Variants in GTF3C6 observed in about 807,000 individuals in gnomAD.
GTF3C6 encodes general transcription factor IIIC subunit 6.
In GTF3C6, 11 loss-of-function variants were observed where a neutral mutation model predicts 19.2. The ratio of observed to expected loss-of-function variants is 0.57; its 90% confidence interval spans 0.36 to 0.95. The LOEUF is 0.95. GTF3C6 is among the 40% of genes least tolerant of loss of function. The pLI is 0.01. For synonymous variants in GTF3C6, 87 were observed against 84.2 expected (o/e 1.03, Z -0.18); for missense variants, 222 against 254.7 (o/e 0.87, Z 0.87).
At chr6:110,963,341 G>A (rs1771188591) in intron 5 of GTF3C6, among the ~76,000 whole-genome samples, 1 of 152,178 alleles carries the variant, frequency 6.6e-6, no homozygotes, top group East Asian at 1.9e-4. Flanking sequence ...TATCTGCTTG[G>A]CACTGGAAAT....
intron 5 of GTF3C6, among the ~76,000 whole-genome samples, chr6:110,963,859 G>A (rs536673331): frequency 6.6e-6 from 1 of 152,034 alleles, no homozygotes; most frequent in East Asian, 1.9e-4. Context: ...GCACCACTAG[G>A]CCTGGATGAT....
rs573317363 is a variant in GTF3C6, at chr6:110,958,803, G to T, written c.34G>T (p.Asp12Tyr). ...GGCGGCGGACGAGCGGAGTCCAGAG[G>T]ACGGAGAAGACGAGGAAGAGGAGGT... ...AAAADERSPE[D>Y]GEDEEEEEQL... The change falls in exon 1 of 6, where the codon GAC (aspartate) becomes TAC (tyrosine). Residue 12 changes from aspartate to tyrosine, a missense_variant. Transcript: ENST00000329970. The T allele has an allele frequency of 6.4e-7, 1 of 1,551,212 alleles. No homozygotes were observed. Among genetic ancestry groups the T allele is most frequent in the African/African-American group, 1.4e-5 (1 of 73,234 alleles).
chr6:110,965,488 T>A (rs1771218764), intron 5 of GTF3C6, among the ~76,000 whole-genome samples: 1 of 152,216 alleles, frequency 6.6e-6, no homozygotes, highest in Non-Finnish European at 1.5e-5. Flanking sequence ...GGTACATTGA[T>A]CTTATAAAAT....
At chr6:110,964,515 C>T (rs1461743194) in intron 5 of GTF3C6, among the ~76,000 whole-genome samples, 2 of 152,188 alleles carry the variant, frequency 1.3e-5, no homozygotes, top group Non-Finnish European at 2.9e-5. Flanking sequence ...GCTGGGATTA[C>T]AGGCATGAGA....
intron 5 of GTF3C6, among the ~76,000 whole-genome samples, chr6:110,963,851 A>G: frequency 6.6e-6 from 1 of 151,120 alleles, no homozygotes; most frequent in East Asian, 2.0e-4. Context: ...ACAGGCATGC[A>G]CCACTAGGCC....
chr6:110,959,304 C>G, intron 2 of GTF3C6, 52 bp downstream of exon 2: 1 of 1,108,984 alleles, frequency 9.0e-7, no homozygotes, highest in South Asian at 1.3e-5. Flanking sequence ...AAATGTAAAA[C>G]AAGAATCAAT....
chr6:110,967,454 A>G (rs1771243413), intron 5 of GTF3C6, 56 bp from the exon 6 acceptor site: 1 of 1,465,794 alleles, frequency 6.8e-7, no homozygotes, highest in African/African-American at 1.4e-5. Flanking sequence ...AGAAAAATAT[A>G]CTAAAATTCA....
chr6:110,962,186 G>C (rs1298983945), intron 4 of GTF3C6, among the ~76,000 whole-genome samples: 1 of 152,138 alleles, frequency 6.6e-6, no homozygotes, highest in Non-Finnish European at 1.5e-5. Flanking sequence ...TTACAGGTGT[G>C]AGCCACCGTG....
At chr6:110,962,822 G>A (rs965987249) in intron 5 of GTF3C6, among the ~76,000 whole-genome samples, 8 of 150,714 alleles carry the variant, frequency 5.3e-5, no homozygotes, top group African/African-American at 1.7e-4. Context: ...ACTGTCGCCC[G>A]GGCCGGAGTG....
chr6:110,958,713 A>C lies in GTF3C6; in HGVS notation c.-57A>C. 2 of 1,536,222 alleles carry C rather than the reference A, an allele frequency of 1.3e-6. No homozygotes were observed. Among genetic ancestry groups the C allele is most frequent in the East Asian group, 4.9e-5 (2 of 40,832 alleles). On this transcript the variant is annotated 5_prime_UTR_variant, in exon 1 of 6. Coordinates refer to ENST00000329970, the MANE Select transcript of GTF3C6 (RefSeq NM_138408.4). ...GCCTCGGAGCTGAAGCCCGTACTCA[A>C]GATGGCGGCTCCGGGCGGGCGTGGC...
chr6:110,962,587 C>A, intron 5 of GTF3C6, 82 bp downstream of exon 5: 2 of 760,604 alleles, frequency 2.6e-6, no homozygotes, highest in South Asian at 3.2e-5. Flanking sequence ...AGTCCTTGTA[C>A]TTTTTAGTAA....
At position 110,966,773 on chromosome 6, in the gene GTF3C6, T is replaced by C. The variant is rs191867232; in HGVS notation, c.362-737T>C. Reference sequence around the variant, plus strand: ...GCTAAATAACAGAATAAAGGAAAGCTTCAAGATTTTGAGTCTGGCTGACTA... The same window carrying C: ...GCTAAATAACAGAATAAAGGAAAGCCTCAAGATTTTGAGTCTGGCTGACTA... On this transcript the variant is annotated intron_variant, in intron 5 of 5. Coordinates refer to ENST00000329970, the MANE Select transcript of GTF3C6 (RefSeq NM_138408.4). Among the ~76,000 whole-genome samples the C allele has an allele frequency of 8.5e-5, 13 of 152,278 alleles. No individual in the cohort carries two copies. The East Asian group carries it at 2.5e-3, about 29-fold the overall frequency.
In GTF3C6 at chr6:110,959,258, T is replaced by A. The variant is rs772100206; in HGVS notation, c.138+6T>A. 1.3e-6 allele frequency: 2 copies of A among 1,557,004 alleles called. No homozygotes were observed. Among genetic ancestry groups the A allele is most frequent in the South Asian group, 2.2e-5 (2 of 89,864 alleles). On this transcript the variant is annotated splice_donor_region_variant and intron_variant, in intron 2 of 5. Transcript: ENST00000329970. The stretch of plus-strand genomic sequence containing the variant: ...AAAATAAATGCAAGGTTTTGGTGAG[T>A]TTTCTAGACTTGGGGGGATTGTTCT...
Position 110,959,914 on chromosome 6 carries a change from G to A in GTF3C6, c.139-500G>A, listed in dbSNP as rs559642951. Among the ~76,000 whole-genome samples the A allele has an allele frequency of 2.6e-5, 4 of 152,042 alleles. No individual in the cohort carries two copies. In the East Asian group the frequency reaches 7.7e-4, roughly 29 times the overall value. On this transcript the variant is annotated intron_variant, in intron 2 of 5. Coordinates refer to ENST00000329970, the MANE Select transcript of GTF3C6 (RefSeq NM_138408.4). ...AGAGGTTGCAGTGAGCCGAGATCGC[G>A]CCACTGTACTCCAGCCTGGGCAACA...
At position 110,964,037 on chromosome 6, in the gene GTF3C6, C is replaced by A. The variant is rs181720782; in HGVS notation, c.361+1532C>A. ...TTTAAATGTGGGGGAGACTGTAGGA[C>A]CACAGTTGTTAGTCCTCAGTCTAGT... On this transcript the variant is annotated intron_variant, in intron 5 of 5. Transcript: ENST00000329970. 3.7e-3 allele frequency among the ~76,000 whole-genome samples: 563 copies of A among 152,034 alleles called. 2 individuals carry two copies. The highest frequency in any genetic ancestry group is 8.1e-3 in the South Asian group (39 of 4,814).
rs530692614 is a variant in GTF3C6 at position 110,959,443 on chromosome 6, G to T, written c.138+191G>T. On this transcript the variant is annotated intron_variant, in intron 2 of 5. Transcript: ENST00000329970. Reference sequence around the variant, plus strand: ...TAAGTATAATGTAGAAGTACAGCGGGGACTATGGGAGCAGATAGGAGAAAA... The same window carrying T: ...TAAGTATAATGTAGAAGTACAGCGGTGACTATGGGAGCAGATAGGAGAAAA... 3.3e-5 allele frequency among the ~76,000 whole-genome samples: 5 copies of T among 152,254 alleles called. No homozygotes were observed. The South Asian group carries it at 8.3e-4, about 25-fold the overall frequency.
At chr6:110,962,996 C>G (rs143292964) in intron 5 of GTF3C6, among the ~76,000 whole-genome samples, 1 of 152,112 alleles carries the variant, frequency 6.6e-6, no homozygotes, top group Non-Finnish European at 1.5e-5. Flanking sequence ...CCAGGATGCT[C>G]TCAATCTCTT....
intron 1 of GTF3C6, 149 bp from the exon 2 acceptor site, chr6:110,959,023 G>A: frequency 1.2e-6 from 1 of 814,194 alleles, no homozygotes; most frequent in Non-Finnish European, 2.1e-6. Context: ...GGGATGGGAA[G>A]TACCGGGAAG....
At chr6:110,964,608 A>T (rs1771205303) in intron 5 of GTF3C6, among the ~76,000 whole-genome samples, 1 of 151,670 alleles carries the variant, frequency 6.6e-6, no homozygotes, top group Non-Finnish European at 1.5e-5. Context: ...TGAAGAGACC[A>T]CTGTGCCCAG....
Sources: allele counts gnomAD v4.1 joint callset (sites outside exome capture counted in the v4.1 genomes callset), GRCh38; gene constraint gnomAD v4.1.1; transcripts MANE v1.5; gene names NCBI Gene and HGNC (gene_info 2026-07-23, HGNC 2026-07-21).